The following NUP133 variants were observed in gnomAD, a reference collection of about 807,000 sequenced individuals.
The protein encoded by NUP133 is nuclear pore complex protein Nup133.
Under a neutral mutation model 146.2 loss-of-function variants are expected in NUP133, and 66 were observed. The ratio of observed to expected loss-of-function variants is 0.45; its 90% CI spans 0.37 to 0.55. NUP133 has a LOEUF of 0.55. Ranked by LOEUF, NUP133 falls within the 20% of genes least tolerant of loss-of-function variation. The pLI, the probability that NUP133 is intolerant of heterozygous loss-of-function variation, is 0.00. For missense variants in NUP133, 1,277 were observed against 1,374.8 expected (o/e 0.93, Z 1.12); for synonymous variants, 521 against 498.8 (o/e 1.04, Z -0.59).
chr1:229,481,698 C>CAAA (rs35036625), intron 12 of NUP133, among the ~76,000 whole-genome samples: 1 of 101,790 alleles, frequency 9.8e-6, no homozygotes, highest in Non-Finnish European at 2.1e-5. Flanking sequence ...GACTCTGTCT[C>CAAA]AAAAAAAAAA....
chr1:229,486,515 T>C lies in NUP133; in HGVS notation c.1356A>G (p.Leu452=). Residue 452 remains leucine, a synonymous_variant, in exon 11 of 26, where the codon TTA becomes TTG. Transcript: ENST00000261396. ...IVFNAQGDSV[L]GAGACGGVPI... ...GAACACCACCACAGGCACCAGCACC[T>C]AAAACACTATCTCCTAAAAGAAAGG... The C allele has an allele frequency of 6.2e-7, 1 of 1,606,860 alleles. No individual in the cohort carries two copies. The highest frequency in any genetic ancestry group is 1.7e-5 in the Admixed American group (1 of 58,124).
At chr1:229,471,004 T>C (rs1015379812) in intron 14 of NUP133, among the ~76,000 whole-genome samples, 200 bp from the exon 15 acceptor site, 11 of 152,160 alleles carry the variant, frequency 7.2e-5, no homozygotes, top group African/African-American at 2.4e-4. Flanking sequence ...CAAGGAAATG[T>C]AGATATTCCT....
At chr1:229,449,035 C>T in intron 24 of NUP133, 91 bp downstream of exon 24, 5 of 987,056 alleles carry the variant, frequency 5.1e-6, no homozygotes, top group Non-Finnish European at 8.0e-6. Context: ...CGTCTGGTCA[C>T]AGAAGTCTTC....
chr1:229,445,067 T>C, intron 24 of NUP133, 65 bp from the exon 25 acceptor site: 1 of 1,174,116 alleles, frequency 8.5e-7, no homozygotes, highest in East Asian at 2.3e-5. Context: ...AAATGATTTG[T>C]TTGCTATCAT....
In NUP133 at chr1:229,495,998, G is replaced by T. The variant is rs766550059; in HGVS notation, c.869C>A (p.Thr290Lys). 6.2e-7 allele frequency: 1 copy of T among 1,610,166 alleles called. No homozygotes were observed. Among genetic ancestry groups the T allele is most frequent in the Admixed American group, 1.7e-5 (1 of 59,266 alleles). ...DRERSSFYSL[T>K]SSNISKWELD... ...TTCCCATTTACTGATGTTTGAACTC[G>T]TCAGGCTATAAAAGCTTGATCTCTC... Residue 290 changes from threonine (T) to lysine (K), a missense_variant, in exon 7 of 26, where the codon ACG becomes AAG. Physicochemically the swap from Thr to Lys is moderately conservative, Grantham distance 78 (BLOSUM62 -1). Coordinates refer to ENST00000261396, the MANE Select transcript of NUP133 (RefSeq NM_018230.3).
chr1:229,507,865 T>C, intron 1 of NUP133: 1 of 971,942 alleles, frequency 1.0e-6, no homozygotes, highest in Non-Finnish European at 1.2e-6. Flanking sequence ...CCATGAAAAA[T>C]GCAAAGTGGG....
In NUP133 at chr1:229,506,566, A is replaced by G. The variant is rs1331533122; in HGVS notation, c.183-408T>C. ...TTGTGGTCAAATACATTTTATAAAT[A>G]TTGGCTTAGATGAGATTTAAGCTCA... On this transcript the variant is annotated intron_variant, in intron 1 of 25. Transcript: ENST00000261396. Among the ~76,000 whole-genome samples the G allele has an allele frequency of 2.6e-5, 4 of 151,380 alleles. No individual in the cohort carries two copies. The East Asian group carries it at 5.8e-4, about 22-fold the overall frequency.
intron 9 of NUP133, among the ~76,000 whole-genome samples, chr1:229,488,806 C>T (rs1164568853): frequency 6.6e-6 from 1 of 152,126 alleles, no homozygotes. Flanking sequence ...CTGTGAATAT[C>T]ACTGCACTCC....
At chr1:229,443,170 G>A (rs1240947081) in intron 25 of NUP133, among the ~76,000 whole-genome samples, 1 of 151,798 alleles carries the variant, frequency 6.6e-6, no homozygotes, top group Non-Finnish European at 1.5e-5. Flanking sequence ...TGAGTAGCAG[G>A]GACTATAGGC....
rs144449845 is a variant in NUP133, at chr1:229,469,293, C to T, written c.2076+1287G>A. Among the ~76,000 whole-genome samples, 806 of 152,364 alleles carry T rather than the reference C, an allele frequency of 5.3e-3. 9 individuals are homozygous for T. The highest frequency in any genetic ancestry group is 0.019 in the African/African-American group (777 of 41,584). ...AGCGAAGTCTGCCTTGCTGCCTCAT[C>T]AGGCTGTGAAGCTTCACAAAAGCAC... On this transcript the variant is annotated intron_variant, in intron 15 of 25. Coordinates refer to ENST00000261396, the MANE Select transcript of NUP133 (RefSeq NM_018230.3).
intron 21 of NUP133, among the ~76,000 whole-genome samples, chr1:229,453,713 T>A (rs1402942916): frequency 2.0e-5 from 3 of 152,226 alleles, no homozygotes; most frequent in Admixed American, 2.0e-4. Context: ...TTACAGTAAG[T>A]ACAGTATGTA....
At chr1:229,477,396 C>T (rs1245410785) in intron 13 of NUP133, among the ~76,000 whole-genome samples, 31 of 147,196 alleles carry the variant, frequency 2.1e-4, no homozygotes, top group Middle Eastern at 3.5e-3. Context: ...GCCAAGATCG[C>T]GCCACTGCAC....
At chr1:229,447,998 A>C (rs1422044713) in intron 24 of NUP133, among the ~76,000 whole-genome samples, 1 of 152,188 alleles carries the variant, frequency 6.6e-6, no homozygotes, top group Non-Finnish European at 1.5e-5. Flanking sequence ...AAACCAAGAG[A>C]GTGGTCTCTA....
chr1:229,450,659 G>C (rs772841071), intron 22 of NUP133, 54 bp from the exon 23 acceptor site: 1 of 855,380 alleles, frequency 1.2e-6, no homozygotes, highest in Non-Finnish European at 1.9e-6. Flanking sequence ...ACTAATACTA[G>C]AGACATTTAT....
At chr1:229,474,382 C>T (rs16849818) in intron 14 of NUP133, among the ~76,000 whole-genome samples, 1 of 151,704 alleles carries the variant, frequency 6.6e-6, no homozygotes, top group Non-Finnish European at 1.5e-5. Flanking sequence ...ATGTTTTTTC[C>T]TCATTAATCC....
chr1:229,444,214 C>T (rs1316051519), intron 25 of NUP133, among the ~76,000 whole-genome samples: 1 of 151,824 alleles, frequency 6.6e-6, no homozygotes, highest in African/African-American at 2.4e-5. Context: ...GCCTGTAATC[C>T]CAGCTACTCA....
intron 8 of NUP133, among the ~76,000 whole-genome samples, chr1:229,492,337 C>G (rs1047165428): frequency 6.6e-6 from 1 of 152,008 alleles, no homozygotes; most frequent in Non-Finnish European, 1.5e-5. Context: ...AAAGTCCTGA[C>G]CTCAGGTGAT....
At chr1:229,495,414 T>C (rs1418898538) in intron 8 of NUP133, 81 bp downstream of exon 8, 2 of 928,880 alleles carry the variant, frequency 2.2e-6, no homozygotes, top group African/African-American at 1.6e-5. Context: ...CATAGTGAGA[T>C]TGCTCATCAT....
At chr1:229,499,191 T>C (rs772324046) in intron 5 of NUP133, 2 of 470,642 alleles carry the variant, frequency 4.2e-6, no homozygotes, top group Non-Finnish European at 8.8e-6. Flanking sequence ...TGAGCCACCA[T>C]GCTCAGCCAG....
Sources: gnomAD v4.1 joint callset for allele counts (sites outside exome capture counted in the v4.1 genomes callset) on GRCh38, gnomAD v4.1.1 for gene constraint, MANE v1.5 for transcripts, NCBI Gene and HGNC (gene_info 2026-07-23, HGNC 2026-07-21) for gene names.